The following PARP16 variants were observed in gnomAD, a reference collection of about 807,000 sequenced individuals.
The protein encoded by PARP16 is protein mono-ADP-ribosyltransferase PARP16.
Under a neutral mutation model 35.0 loss-of-function variants are expected in PARP16, and 31 were observed. That is an observed-to-expected ratio of 0.88 (90% CI 0.66 to 1.19). The LOEUF (loss-of-function observed/expected upper bound fraction) is 1.19. Among genes scored for constraint, PARP16 ranks in the 50% most tolerant of loss-of-function variants. The probability of loss-of-function intolerance (pLI) is 0.00; values close to 1 mark genes in which losing one functional copy is unlikely to be tolerated. For missense variants in PARP16, 424 were observed against 411.2 expected (o/e 1.03, Z -0.27); for synonymous variants, 162 against 169.5 (o/e 0.96, Z 0.34).
At chr15:65,262,521 G>A (rs2089765738) in intron 4 of PARP16, among the ~76,000 whole-genome samples, 1 of 152,146 alleles carries the variant, frequency 6.6e-6, no homozygotes, top group Non-Finnish European at 1.5e-5. Context: ...GGGAGACAAG[G>A]CAAATAGTCT....
chr15:65,281,859 A>G (rs754422573), intron 1 of PARP16, among the ~76,000 whole-genome samples: 5 of 152,238 alleles, frequency 3.3e-5, no homozygotes, highest in Non-Finnish European at 7.3e-5. Flanking sequence ...TCACCAATCA[A>G]TAAAGTAATT....
intron 4 of PARP16, among the ~76,000 whole-genome samples, chr15:65,262,090 T>G (rs1473964826): frequency 6.6e-6 from 1 of 152,096 alleles, no homozygotes; most frequent in Non-Finnish European, 1.5e-5. Context: ...AACAGTCAGT[T>G]TTCTGAATTC....
chr15:65,266,481 A>G (rs2089893636), intron 3 of PARP16, 81 bp downstream of exon 3: 2 of 1,204,494 alleles, frequency 1.7e-6, no homozygotes, highest in Admixed American at 3.4e-5. Flanking sequence ...GCAAACTCCT[A>G]GGGTTCTGAA....
At chr15:65,276,272 C>T (rs1049355304) in intron 1 of PARP16, among the ~76,000 whole-genome samples, 14 of 152,290 alleles carry the variant, frequency 9.2e-5, no homozygotes, top group African/African-American at 2.6e-4. Flanking sequence ...TTTAGCAGGG[C>T]CTTTTGGGAA....
At chr15:65,241,139 CTTTTTT>C (rs34888317) in intron 3 of PARP16, among the ~76,000 whole-genome samples, 1 of 127,772 alleles carries the variant, frequency 7.8e-6, no homozygotes, top group South Asian at 2.7e-4. Context: ...CCTGTCCAAA[CTTTTTT>C]TTTTTTTTTT....
At chr15:65,260,845 C>A in intron 5 of PARP16, 40 bp downstream of exon 5, 1 of 1,595,574 alleles carries the variant, frequency 6.3e-7, no homozygotes, top group Non-Finnish European at 8.6e-7. Flanking sequence ...AGAAAGCCAG[C>A]ACTCTGAATA....
chr15:65,233,460 C>T (rs943761170), downstream of PARP16, among the ~76,000 whole-genome samples: 3 of 151,662 alleles, frequency 2.0e-5, no homozygotes, highest in East Asian at 5.9e-4. Flanking sequence ...TAAGAGAAGC[C>T]GGGCACGGTG....
At chr15:65,239,878 G>A (rs767501303) in intron 3 of PARP16, among the ~76,000 whole-genome samples, 2 of 147,766 alleles carry the variant, frequency 1.4e-5, no homozygotes, top group Admixed American at 1.4e-4. Context: ...GGATGGTCTC[G>A]ATCTCCTGAC....
rs2089599726 is a variant in PARP16, at chr15:65,258,821, G to C, written c.*586C>G. Reference sequence around the variant, plus strand: ...TCTCATCCATGGTTTTTTGGGGAGGGGGGCAAGTACAGCTATAGGAGAAGG... The same window carrying C: ...TCTCATCCATGGTTTTTTGGGGAGGCGGGCAAGTACAGCTATAGGAGAAGG... On this transcript the variant is annotated 3_prime_UTR_variant, in exon 6 of 6. Transcript: ENST00000649807. The C allele has an allele frequency of 6.6e-6, 1 of 152,578 alleles. No individual in the cohort carries two copies. The highest frequency in any genetic ancestry group is 6.5e-5 in the Admixed American group (1 of 15,274). 9.5% of individuals were successfully genotyped at this position (152,578 alleles called of 1,614,324 possible).
intron 2 of PARP16, among the ~76,000 whole-genome samples, chr15:65,270,054 A>G (rs923886613): frequency 9.2e-5 from 14 of 152,274 alleles, no homozygotes; most frequent in South Asian, 2.1e-4. Flanking sequence ...CTTAGATACC[A>G]GAATCCAAGG....
At chr15:65,237,050 A>C (rs1197740429) in intron 3 of PARP16, among the ~76,000 whole-genome samples, 1 of 152,136 alleles carries the variant, frequency 6.6e-6, no homozygotes, top group Non-Finnish European at 1.5e-5. Flanking sequence ...AGTGATATGA[A>C]CACATTTACA....
At chr15:65,248,725 C>T (rs2089279846) in intron 2 of PARP16, among the ~76,000 whole-genome samples, 2 of 152,216 alleles carry the variant, frequency 1.3e-5, no homozygotes, top group African/African-American at 2.4e-5. Flanking sequence ...CTCCTTCCCC[C>T]TCCTGTCTGC....
chr15:65,274,437 CGTGGTG>C (rs902197416), intron 1 of PARP16, among the ~76,000 whole-genome samples: 3 of 151,910 alleles, frequency 2.0e-5, no homozygotes, highest in Admixed American at 2.0e-4. Context: ...ATTATCCAGG[CGTGGTG>C]GTGTACACCT....
downstream of PARP16, among the ~76,000 whole-genome samples, chr15:65,233,401 CA>C (rs942234009): frequency 1.3e-5 from 2 of 151,068 alleles, no homozygotes; most frequent in South Asian, 4.2e-4. Flanking sequence ...GACTCCGTCT[CA>C]AAAAAAACAA....
intron 1 of PARP16, 100 bp downstream of exon 1, chr15:65,286,153 T>C (rs2141000613): frequency 2.0e-6 from 2 of 976,872 alleles, no homozygotes; most frequent in East Asian, 3.2e-5. Flanking sequence ...GTCTGGCGGC[T>C]GTCATGTTTA....
intron 3 of PARP16, among the ~76,000 whole-genome samples, chr15:65,240,071 C>T (rs2089012709): frequency 6.7e-6 from 1 of 150,236 alleles, no homozygotes; most frequent in Non-Finnish European, 1.5e-5. Context: ...TCAAGCAATC[C>T]TCCCACATCT....
intron 3 of PARP16, among the ~76,000 whole-genome samples, chr15:65,239,335 G>A (rs1234012422): frequency 7.0e-6 from 1 of 143,262 alleles, no homozygotes; most frequent in Non-Finnish European, 1.5e-5. Flanking sequence ...GCTGAGGCAG[G>A]AGATTCACTT....
At position 65,258,907 on chromosome 15, in the gene PARP16, A is replaced by C. The variant is rs2089604175; in HGVS notation, c.*500T>G. The C allele has an allele frequency of 6.5e-6, 1 of 153,070 alleles. No homozygotes were observed. Among genetic ancestry groups the C allele is most frequent in the Non-Finnish European group, 1.5e-5 (1 of 68,350 alleles). The allele number at this position is 153,070 out of a possible 1,614,324, so 9.5% of individuals were successfully genotyped here. A position where few individuals can be genotyped will look rare whatever the true frequency, so the allele number is the denominator to read the frequency against. On this transcript the variant is annotated 3_prime_UTR_variant, in exon 6 of 6. Coordinates refer to ENST00000649807, the MANE Select transcript of PARP16 (RefSeq NM_001316943.2). ...TGCACTCACATACAAAGGCTGATGGAATTCAAAAATGATCCCACTGATTTT... is the reference window on the plus strand; with the variant it reads ...TGCACTCACATACAAAGGCTGATGGCATTCAAAAATGATCCCACTGATTTT...
chr15:65,266,699 T>C lies in PARP16; in HGVS notation c.382A>G (p.Ile128Val). 1 of 1,614,198 alleles carries C rather than the reference T, an allele frequency of 6.2e-7. No homozygotes were observed. The highest frequency in any genetic ancestry group is 8.5e-7 in the Non-Finnish European group (1 of 1,180,010). ...PVPAPDFLFEIEYFDPANAKF... is the reference protein window; with the variant it reads ...PVPAPDFLFEVEYFDPANAKF... ...GCGTTGGCTGGGTCAAAGTACTCAA[T>C]TTCAAACAGGAAGTCCGGTGCAGGA... The change falls in exon 3 of 6, where the codon ATT (isoleucine) becomes GTT (valine). Residue 128 changes from isoleucine (I) to valine (V), a missense_variant. By Grantham distance (29) the Ile-to-Val change is conservative. Coordinates refer to ENST00000649807, the MANE Select transcript of PARP16 (RefSeq NM_001316943.2).
Sources: gnomAD v4.1 joint callset for allele counts (sites outside exome capture counted in the v4.1 genomes callset) on GRCh38, gnomAD v4.1.1 for gene constraint, MANE v1.5 for transcripts, NCBI Gene and HGNC (gene_info 2026-07-23, HGNC 2026-07-21) for gene names.